Variants in SUMF1 observed in about 807,000 individuals in gnomAD.
The protein encoded by SUMF1 is formylglycine-generating enzyme.
A neutral mutation model predicts 47.6 loss-of-function variants in SUMF1; 48 were observed. The ratio of observed to expected loss-of-function variants is 1.01; its 90% confidence interval spans 0.80 to 1.28. SUMF1 has a LOEUF of 1.28. Ranked by LOEUF, SUMF1 falls within the 50% of genes most tolerant of loss-of-function variation. The pLI is 0.00. For synonymous variants in SUMF1, 230 were observed against 192.1 expected (o/e 1.20, Z -1.63); for missense variants, 571 against 485.4 (o/e 1.18, Z -1.66).
At chr3:4,162,312 G>A (rs1694596714) in intron 8 of SUMF1, among the ~76,000 whole-genome samples, 1 of 152,170 alleles carries the variant, frequency 6.6e-6, no homozygotes, top group Non-Finnish European at 1.5e-5. Context: ...TGGCTGCCCT[G>A]TCTGGTGTCT....
rs536454820 is a variant in SUMF1 at position 4,304,717 on chromosome 3, A to G, written c.1014+71613T>C. Among the ~76,000 whole-genome samples, 7 of 152,316 alleles carry G rather than the reference A, an allele frequency of 4.6e-5. No homozygotes were observed. In the South Asian group the frequency reaches 1.5e-3, roughly 32 times the overall value. ...GGGGTTTTTGTGAGGATCAGATAAGATAAGAGATTCAATAGCAGCTTTCAA... is the reference window on the plus strand; with the variant it reads ...GGGGTTTTTGTGAGGATCAGATAAGGTAAGAGATTCAATAGCAGCTTTCAA... On this transcript the variant is annotated intron_variant and NMD_transcript_variant, in intron 8 of 12. Transcript: ENST00000448413.
intron 8 of SUMF1, among the ~76,000 whole-genome samples, chr3:4,069,087 C>T (rs370820550): frequency 6.6e-6 from 1 of 152,152 alleles, no homozygotes; most frequent in South Asian, 2.1e-4. Flanking sequence ...CAGGGCCAAC[C>T]GTGCATGATA....
intron 8 of SUMF1, among the ~76,000 whole-genome samples, chr3:4,278,895 C>A (rs59045991): frequency 0.013 from 1,903 of 152,090 alleles, 36 homozygotes; most frequent in African/African-American, 0.043. Context: ...TTTTTTCATG[C>A]CTTTTACATC....
chr3:4,296,087 A>G (rs906427228), intron 8 of SUMF1, among the ~76,000 whole-genome samples: 8 of 148,760 alleles, frequency 5.4e-5, no homozygotes, highest in Non-Finnish European at 8.9e-5. Context: ...ATTTTTTCTT[A>G]TAGAAAAATG....
intron 8 of SUMF1, among the ~76,000 whole-genome samples, chr3:4,285,215 G>A (rs1697609035): frequency 6.6e-6 from 1 of 152,146 alleles, no homozygotes. Context: ...GCTTAAAGTA[G>A]TTTGACTTAA....
chr3:4,239,187 A>G (rs1696480826), intron 8 of SUMF1, among the ~76,000 whole-genome samples: 2 of 152,108 alleles, frequency 1.3e-5, no homozygotes, highest in Admixed American at 1.3e-4. Context: ...GCCTTTTAAT[A>G]TAGTTTGAAG....
chr3:4,217,087 C>G (rs1695941206), intron 8 of SUMF1, among the ~76,000 whole-genome samples: 1 of 152,066 alleles, frequency 6.6e-6, no homozygotes, highest in Non-Finnish European at 1.5e-5. Flanking sequence ...TGGCACTATT[C>G]ACAATAGCAA....
chr3:4,441,983 G>A (rs1489605863), intron 3 of SUMF1, among the ~76,000 whole-genome samples: 1 of 152,154 alleles, frequency 6.6e-6, no homozygotes, highest in Non-Finnish European at 1.5e-5. Flanking sequence ...AACGCAAACA[G>A]GTGAAGAAAA....
chr3:4,145,191 TAAAAAAA>T (rs35699553), intron 8 of SUMF1, among the ~76,000 whole-genome samples: 8 of 90,510 alleles, frequency 8.8e-5, no homozygotes, highest in Middle Eastern at 0.011. Flanking sequence ...AAACTCCGTC[TAAAAAAA>T]AAAAAAAAAA....
Position 4,361,898 on chromosome 3 carries a change from C to T in SUMF1, c.*246G>A, listed in dbSNP as rs1699771293. The T allele has an allele frequency of 2.0e-6, 1 of 488,554 alleles. No homozygotes were observed. Among genetic ancestry groups the T allele is most frequent in the South Asian group, 2.1e-5 (1 of 48,188 alleles). The allele number at this position is 488,554 out of a possible 1,614,324, so 30.3% of individuals were successfully genotyped here. On this transcript the variant is annotated 3_prime_UTR_variant, in exon 9 of 9. Transcript: ENST00000272902. ...GCTCAGGGTTCCCTCCACTCCCCTT[C>T]CTCTTTAAAGACTCTCAAAAGTAAA...
intron 8 of SUMF1, among the ~76,000 whole-genome samples, chr3:4,289,284 C>T (rs1378238544): frequency 6.6e-6 from 1 of 152,228 alleles, no homozygotes; most frequent in East Asian, 1.9e-4. Flanking sequence ...TCTCTTAGCA[C>T]TTACAAAGCT....
chr3:4,115,405 A>G (rs1301091414), intron 8 of SUMF1, among the ~76,000 whole-genome samples: 3 of 152,134 alleles, frequency 2.0e-5, no homozygotes, highest in African/African-American at 7.2e-5. Context: ...TGCCCTTGCA[A>G]TAAGGCAGAG....
At chr3:4,192,925 A>G (rs543838043) in intron 8 of SUMF1, among the ~76,000 whole-genome samples, 2 of 152,304 alleles carry the variant, frequency 1.3e-5, no homozygotes, top group South Asian at 4.1e-4. Flanking sequence ...AGAGTCTGAC[A>G]TGTAAGAACA....
downstream of SUMF1, among the ~76,000 whole-genome samples, chr3:4,356,992 G>C (rs1699633395): frequency 8.4e-6 from 1 of 119,254 alleles, no homozygotes; most frequent in African/African-American, 4.8e-5. Context: ...GTTAAGCTCT[G>C]AAAAACTGAG....
At chr3:4,406,912 T>C (rs1701393843) in intron 7 of SUMF1, among the ~76,000 whole-genome samples, 1 of 152,326 alleles carries the variant, frequency 6.6e-6, no homozygotes, top group Middle Eastern at 3.4e-3. Context: ...CACAGATTAA[T>C]ATCCGTCTCA....
intron 8 of SUMF1, among the ~76,000 whole-genome samples, chr3:4,282,523 C>T (rs1198272864): frequency 6.6e-6 from 1 of 152,170 alleles, no homozygotes; most frequent in Non-Finnish European, 1.5e-5. Context: ...CTACTTGGTA[C>T]TGCGAGTGGG....
At position 4,456,398 on chromosome 3, in the gene SUMF1, A is replaced by G. The variant is rs1449495107; in HGVS notation, c.271-3349T>C. ...CAAGAGAAAGAAAGAAACAGCATCC[A>G]AGCTGGAAACAAAGACGTTATGTTG... On this transcript the variant is annotated intron_variant, in intron 1 of 8. Coordinates refer to ENST00000272902, the MANE Select transcript of SUMF1 (RefSeq NM_182760.4). Among the ~76,000 whole-genome samples, 9 of 151,966 alleles carry G rather than the reference A, an allele frequency of 5.9e-5. No individual in the cohort carries two copies. In the East Asian group the frequency reaches 1.7e-3, roughly 29 times the overall value.
At chr3:4,421,800 TAATACA>T (rs553875758) in intron 3 of SUMF1, among the ~76,000 whole-genome samples, 1 of 152,164 alleles carries the variant, frequency 6.6e-6, no homozygotes, top group African/African-American at 2.4e-5. Flanking sequence ...ATGATTCTTC[TAATACA>T]AATACAAATA....
intron 8 of SUMF1, among the ~76,000 whole-genome samples, chr3:4,369,456 G>A (rs1035870901): frequency 6.6e-6 from 1 of 152,158 alleles, no homozygotes; most frequent in African/African-American, 2.4e-5. Context: ...CAGTGCTTTG[G>A]TATTTCTAGA....
Sources: gnomAD v4.1 joint callset for allele counts (sites outside exome capture counted in the v4.1 genomes callset) on GRCh38, gnomAD v4.1.1 for gene constraint, MANE v1.5 for transcripts, NCBI Gene and HGNC (gene_info 2026-07-23, HGNC 2026-07-21) for gene names.